The following LOC400499 variants were observed in gnomAD, a reference collection of about 807,000 sequenced individuals.
the LOC400499 span, chr16:11,425,509 AT>A: frequency 2.5e-6 from 1 of 398,598 alleles, no homozygotes. Flanking sequence ...AGGGAAAAGA[AT>A]TTGGGGGTAA....
the LOC400499 span, among the ~76,000 whole-genome samples, chr16:11,427,079 C>T: frequency 2.7e-5 from 4 of 148,434 alleles, no homozygotes; most frequent in African/African-American, 9.9e-5. Flanking sequence ...AGTGCTTGGC[C>T]AGGCGCAGTG....
the LOC400499 span, among the ~76,000 whole-genome samples, chr16:11,447,342 G>C: frequency 6.6e-6 from 1 of 152,140 alleles, no homozygotes; most frequent in African/African-American, 2.4e-5. Flanking sequence ...CAGGGTTAGA[G>C]ATAACATACA....
chr16:11,411,021 C>A, the LOC400499 span, among the ~76,000 whole-genome samples: 1 of 152,252 alleles, frequency 6.6e-6, no homozygotes, highest in Non-Finnish European at 1.5e-5. Context: ...TCCCAAAGGG[C>A]TTGTGAGCCT....
At chr16:11,473,580 C>A in the LOC400499 span, among the ~76,000 whole-genome samples, 1 of 151,848 alleles carries the variant, frequency 6.6e-6, no homozygotes, top group Non-Finnish European at 1.5e-5. Context: ...TGTGGTAAAA[C>A]CCTGTCTCCA....
chr16:11,429,159 G>C, the LOC400499 span, among the ~76,000 whole-genome samples: 12 of 152,144 alleles, frequency 7.9e-5, no homozygotes, highest in African/African-American at 2.9e-4. Context: ...GGGCCTGGTG[G>C]GAGGTGACTG....
At chr16:11,488,994 G>C in the LOC400499 span, 2 of 395,816 alleles carry the variant, frequency 5.1e-6, no homozygotes, top group East Asian at 7.2e-5. Context: ...GGGCTTCTCA[G>C]GAGTCTGGCT....
chr16:11,375,713 C>G, the LOC400499 span, among the ~76,000 whole-genome samples: 1 of 149,106 alleles, frequency 6.7e-6, no homozygotes, highest in Non-Finnish European at 1.5e-5. Context: ...GGAGAAATGT[C>G]TATTCAAGTC....
chr16:11,451,861 T>C, the LOC400499 span, among the ~76,000 whole-genome samples: 1 of 152,056 alleles, frequency 6.6e-6, no homozygotes, highest in Non-Finnish European at 1.5e-5. Flanking sequence ...GAGTTGAGAA[T>C]AGGGAGACAT....
the LOC400499 span, chr16:11,514,362 T>C: frequency 2.5e-6 from 1 of 399,184 alleles, no homozygotes; most frequent in East Asian, 3.6e-5. Flanking sequence ...AGGTCACCTG[T>C]GCCCGCTGGA....
chr16:11,423,633 C>T, the LOC400499 span, among the ~76,000 whole-genome samples: 11 of 152,368 alleles, frequency 7.2e-5, 1 homozygote, highest in East Asian at 1.5e-3. Flanking sequence ...TGCTCACTCA[C>T]ATTCCCTCTC....
At chr16:11,443,390 C>T in the LOC400499 span, 38 of 403,398 alleles carry the variant, frequency 9.4e-5, 1 homozygote, top group Middle Eastern at 7.7e-4. Context: ...GAACCTGGGA[C>T]GTGGAGGTTG....
the LOC400499 span, chr16:11,514,636 G>A: frequency 5.0e-6 from 2 of 398,842 alleles, no homozygotes; most frequent in Non-Finnish European, 8.8e-6. Flanking sequence ...GGACACATCA[G>A]AGCTGTAGAC....
chr16:11,516,073 C>G, the LOC400499 span: 6 of 399,442 alleles, frequency 1.5e-5, no homozygotes, highest in Admixed American at 2.6e-4. Flanking sequence ...CCTGGGCAGA[C>G]AGGGTTGGGG....
chr16:11,498,179 T>C, the LOC400499 span, among the ~76,000 whole-genome samples: 2 of 152,166 alleles, frequency 1.3e-5, no homozygotes, highest in Admixed American at 6.5e-5. Flanking sequence ...CTTTTGTTCA[T>C]TGAAAGACAC....
At chr16:11,460,406 A>T in the LOC400499 span, 1 of 1,435,556 alleles carries the variant, frequency 7.0e-7, no homozygotes, top group Non-Finnish European at 9.2e-7. Flanking sequence ...GGATGAGTTC[A>T]GGGTACTCAG....
chr16:11,414,002 C>A, the LOC400499 span, among the ~76,000 whole-genome samples: 9 of 152,214 alleles, frequency 5.9e-5, no homozygotes, highest in South Asian at 1.9e-3. Flanking sequence ...GACTGACGAA[C>A]GCCCATAAAC....
the LOC400499 span, among the ~76,000 whole-genome samples, chr16:11,437,488 G>A: frequency 3.9e-5 from 6 of 152,224 alleles, no homozygotes; most frequent in African/African-American, 1.4e-4. Context: ...GAGCCTGGGT[G>A]GTGGAGGCTG....
chr16:11,440,932 C>A, the LOC400499 span: 1 of 399,116 alleles, frequency 2.5e-6, no homozygotes, highest in East Asian at 3.6e-5. Context: ...AATCTGGGGA[C>A]CCATACCTGG....
the LOC400499 span, chr16:11,411,159 A>G: frequency 1.5e-4 from 58 of 398,720 alleles, no homozygotes; most frequent in Non-Finnish European, 2.2e-4. Flanking sequence ...TGCATGTATT[A>G]ACACTCCCCA....
Sources: allele counts gnomAD v4.1 joint callset (sites outside exome capture counted in the v4.1 genomes callset), GRCh38; gene constraint gnomAD v4.1.1; transcripts MANE v1.5.